The following BCAR1 variants were observed in gnomAD, a reference collection of about 807,000 sequenced individuals.
BCAR1 encodes BCAR1 scaffold protein, Cas family member, also known as breast cancer anti-estrogen resistance protein 1.
In BCAR1, 30 loss-of-function variants were observed where a neutral mutation model predicts 67.6. That is an observed-to-expected ratio of 0.44 (90% CI 0.33 to 0.60). BCAR1 has a LOEUF of 0.60. BCAR1 is among the 20% of genes least tolerant of loss of function. The probability of loss-of-function intolerance (pLI) is 0.02; values close to 1 mark genes in which losing one functional copy is unlikely to be tolerated. For synonymous variants in BCAR1, 626 were observed against 556.7 expected (o/e 1.12, Z -1.75); for missense variants, 1,313 against 1,222.3 (o/e 1.07, Z -1.11).
At chr16:75,254,762 G>A (rs1225507437), upstream of BCAR1, among the ~76,000 whole-genome samples, 2 of 152,204 alleles carry the variant, frequency 1.3e-5, no homozygotes, top group African/African-American at 4.8e-5. Flanking sequence ...CAGCCAGGTT[G>A]AAGATGAGCT....
chr16:75,241,120 C>T (rs377337628), intron 2 of BCAR1, among the ~76,000 whole-genome samples: 1,797 of 152,272 alleles, frequency 0.012, 30 homozygotes, highest in African/African-American at 0.041. Flanking sequence ...TGGGTGCACA[C>T]GCTTTGTATG....
intron 1 of BCAR1, among the ~76,000 whole-genome samples, chr16:75,265,608 T>C (rs1200496973): frequency 1.3e-5 from 2 of 151,808 alleles, no homozygotes; most frequent in Non-Finnish European, 2.9e-5. Context: ...CCCAGCCCGA[T>C]CCAGCTCTCC....
At chr16:75,263,456 A>G (rs1393420246) in intron 1 of BCAR1, 3 of 985,166 alleles carry the variant, frequency 3.0e-6, no homozygotes, top group African/African-American at 1.7e-5. Flanking sequence ...GCACTGCTCT[A>G]TGCCTGGAGC....
chr16:75,250,852 G>C, intron 1 of BCAR1: 5 of 985,482 alleles, frequency 5.1e-6, no homozygotes, highest in South Asian at 4.7e-5. Flanking sequence ...GGCTTCCACC[G>C]GCGCTCGGCG....
At chr16:75,247,723 T>A in intron 1 of BCAR1, 1 of 317,930 alleles carries the variant, frequency 3.1e-6, no homozygotes. Flanking sequence ...CCAAACCAAC[T>A]GCAGAGAACA....
rs766405948 is a variant in BCAR1 at position 75,229,785 on chromosome 16, G to A, written c.2339C>T (p.Ala780Val). Reference sequence around the variant, plus strand: ...GCTGAGGATGACGAACTTGCTGTGCGCCACAAAGATCTTGGGCGGCTGGTT... The same window carrying A: ...GCTGAGGATGACGAACTTGCTGTGCACCACAAAGATCTTGGGCGGCTGGTT... ...ATNQPPKIFV[A>V]HSKFVILSAH... Residue 780 changes from alanine to valine, a missense_variant, in exon 7 of 7, where the codon GCG (alanine) becomes GTG (valine). Coordinates refer to ENST00000162330, the MANE Select transcript of BCAR1 (RefSeq NM_014567.5). The A allele has an allele frequency of 1.9e-6, 3 of 1,613,546 alleles. No individual in the cohort carries two copies. The highest frequency in any genetic ancestry group is 2.5e-6 in the Non-Finnish European group (3 of 1,180,016).
chr16:75,265,448 C>T (rs2077986910), intron 1 of BCAR1, among the ~76,000 whole-genome samples: 1 of 152,124 alleles, frequency 6.6e-6, no homozygotes, highest in South Asian at 2.1e-4. Context: ...GCAGAGACCC[C>T]TCCCCGCTAG....
intron 2 of BCAR1, 64 bp from the exon 3 acceptor site, chr16:75,237,408 A>C: frequency 7.2e-7 from 1 of 1,395,060 alleles, no homozygotes; most frequent in Non-Finnish European, 9.3e-7. Flanking sequence ...CTCCACTCAC[A>C]CCTGGGAGCC....
At chr16:75,241,403 T>C (rs1285679887) in intron 2 of BCAR1, among the ~76,000 whole-genome samples, 2 of 152,076 alleles carry the variant, frequency 1.3e-5, no homozygotes, top group African/African-American at 2.4e-5. Flanking sequence ...GGTGTGGGTA[T>C]ACCTGGACTG....
In BCAR1 at chr16:75,229,554, G is replaced by A. The variant is rs752395738; in HGVS notation, c.2570C>T (p.Thr857Ile). The change falls in exon 7 of 7, where the codon ACC becomes ATC. Residue 857 changes from threonine to isoleucine, a missense_variant. Physicochemically the swap from Thr to Ile is moderately conservative, Grantham distance 89. Around this residue, in one of 2 missense-constraint regions of BCAR1, gnomAD observed 1,272 missense variants for 1,137.5 expected, o/e 1.12. Transcript: ENST00000162330. ...VERVKELGHSTQQFRRVLGQL... is the reference protein window; with the variant it reads ...VERVKELGHSIQQFRRVLGQL... ...GCCTAGGACGCGGCGGAACTGCTGGGTGCTGTGGCCCAGCTCCTTGACCCT... is the reference window on the plus strand; with the variant it reads ...GCCTAGGACGCGGCGGAACTGCTGGATGCTGTGGCCCAGCTCCTTGACCCT... The A allele has an allele frequency of 2.5e-6, 4 of 1,605,070 alleles. No individual in the cohort carries two copies. The highest frequency in any genetic ancestry group is 2.2e-5 in the East Asian group (1 of 44,674).
At chr16:75,231,487 G>C (rs1042109293) in intron 6 of BCAR1, among the ~76,000 whole-genome samples, 1 of 152,150 alleles carries the variant, frequency 6.6e-6, no homozygotes, top group African/African-American at 2.4e-5. Context: ...TTTGTGGGTG[G>C]AGATTTCAGA....
At position 75,234,049 on chromosome 16, in the gene BCAR1, G is replaced by A. The variant is rs527642804; in HGVS notation, c.2011-114C>T. 169 of 934,818 alleles carry A rather than the reference G, an allele frequency of 1.8e-4. 2 individuals carry two copies. In the South Asian group the frequency reaches 1.9e-3, roughly 10 times the overall value. The allele number at this position is 934,818 out of a possible 1,614,324, so 57.9% of individuals were successfully genotyped here. On this transcript the variant is annotated intron_variant, in intron 5 of 6. Transcript: ENST00000162330. ...GGCCACCAGGTGGTGCTGCGTGTGC[G>A]CGCACACACACGCACACGTGGACGC...
intron 1 of BCAR1, chr16:75,266,631 C>T: frequency 3.0e-6 from 3 of 1,008,650 alleles, no homozygotes; most frequent in African/African-American, 1.7e-5. Flanking sequence ...CGTGCATGTT[C>T]GTCCCCATCG....
At chr16:75,233,797 CA>C in intron 6 of BCAR1, 48 bp downstream of exon 6, 1 of 1,538,226 alleles carries the variant, frequency 6.5e-7, no homozygotes, top group African/African-American at 1.4e-5. Context: ...GCTGGGGGCT[CA>C]GGGGGTCAGC....
In BCAR1 at chr16:75,235,698, C is replaced by G. The variant is rs2077096734; in HGVS notation, c.1201G>C (p.Asp401His). Reference sequence around the variant, plus strand: ...ACACCACTGTCGACCACGCCACCATCAGCCACCTCAGGAGGAAGCACCCGT... The same window carrying G: ...ACACCACTGTCGACCACGCCACCATGAGCCACCTCAGGAGGAAGCACCCGT... ...RERVLPPEVA[D>H]GGVVDSGVYA... The change falls in exon 5 of 7, where the codon GAT (aspartate) becomes CAT (histidine). Residue 401 changes from aspartate to histidine, a missense_variant. Physicochemically the swap from Asp to His is moderately conservative, Grantham distance 81. This residue lies in a region of BCAR1 where 1,272 missense variants were observed against 1,137.5 expected (regional missense o/e 1.12). Transcript: ENST00000162330. The G allele has an allele frequency of 1.2e-6, 2 of 1,611,398 alleles. No individual in the cohort carries two copies. Among genetic ancestry groups the G allele is most frequent in the African/African-American group, 1.3e-5 (1 of 75,028 alleles).
chr16:75,260,827 C>A (rs920872838), intron 1 of BCAR1, among the ~76,000 whole-genome samples: 3 of 152,126 alleles, frequency 2.0e-5, no homozygotes, highest in African/African-American at 7.2e-5. Context: ...TTTGCCCTGA[C>A]CATCAGGGAG....
At chr16:75,241,695 G>A (rs1439619112) in intron 2 of BCAR1, among the ~76,000 whole-genome samples, 1 of 152,202 alleles carries the variant, frequency 6.6e-6, no homozygotes, top group East Asian at 1.9e-4. Flanking sequence ...GCCACCCATG[G>A]GCGGGGGTGG....
intron 2 of BCAR1, among the ~76,000 whole-genome samples, chr16:75,239,837 G>C (rs1016466350): frequency 6.6e-6 from 1 of 152,208 alleles, no homozygotes; most frequent in Non-Finnish European, 1.5e-5. Context: ...CCTGGGGCAA[G>C]ATGAAGCTTC....
At position 75,235,680 on chromosome 16, in the gene BCAR1, T is replaced by G. The variant is rs778635457; in HGVS notation, c.1219A>C (p.Ser407Arg). The G allele has an allele frequency of 1.2e-6, 2 of 1,611,708 alleles. No homozygotes were observed. The highest frequency in any genetic ancestry group is 1.7e-6 in the Non-Finnish European group (2 of 1,178,944). The change falls in exon 5 of 7, where the codon AGT becomes CGT. Residue 407 changes from serine to arginine, a missense_variant. Physicochemically the swap from Ser to Arg is moderately radical, Grantham distance 110 (BLOSUM62 -1). Around this residue, in one of 2 missense-constraint regions of BCAR1, gnomAD observed 1,272 missense variants for 1,137.5 expected, o/e 1.12. Coordinates refer to ENST00000162330, the MANE Select transcript of BCAR1 (RefSeq NM_014567.5). ...PEVADGGVVD[S>R]GVYAVPPPAE... Reference sequence around the variant, plus strand: ...GGGGGAGGCACCGCATACACACCACTGTCGACCACGCCACCATCAGCCACC... The same window carrying G: ...GGGGGAGGCACCGCATACACACCACGGTCGACCACGCCACCATCAGCCACC...
Sources: gnomAD v4.1 joint callset for allele counts (sites outside exome capture counted in the v4.1 genomes callset) on GRCh38, gnomAD v4.1.1 for gene constraint, gnomAD v4.1.1 regional missense constraint, MANE v1.5 for transcripts, NCBI Gene and HGNC (gene_info 2026-07-23, HGNC 2026-07-21) for gene names.